The following HOOK2 variants were observed in gnomAD, a reference collection of about 807,000 sequenced individuals.
HOOK2 encodes the protein protein Hook homolog 2.
In HOOK2, 108 loss-of-function variants were observed where a neutral mutation model predicts 111.9. The observed-to-expected ratio is 0.96, with a 90% CI of 0.83 to 1.13. The LOEUF is 1.13. HOOK2 is among the 50% of genes most tolerant of loss of function. HOOK2 has a pLI of 0.00. For missense variants in HOOK2, 978 were observed against 951.3 expected, an observed-to-expected ratio of 1.03 and a Z score of -0.37; for synonymous variants, 405 against 394.3, an observed-to-expected ratio of 1.03 and a Z score of -0.32.
rs770321152 is a variant in HOOK2 at position 12,774,711 on chromosome 19, G to A, written c.162C>T (p.Leu54=). ...GACCTGGATCTTCCGAGATGCCCTG[G>A]AGCCATGCCTCGTTGAACCAGGAGG... ...IDPSWFNEAW[L]QGISEDPGPN... is the part of the protein sequence containing the mutation. The change falls in exon 3 of 23, where the codon CTC becomes CTT. Residue 54 remains leucine, a synonymous_variant. Coordinates refer to ENST00000397668, the MANE Select transcript of HOOK2 (RefSeq NM_013312.3). 3 of 1,614,116 alleles carry A rather than the reference G, an allele frequency of 1.9e-6. No individual in the cohort carries two copies. The highest frequency in any genetic ancestry group is 2.2e-5 in the East Asian group (1 of 44,876).
intron 20 of HOOK2, 177 bp downstream of exon 20, chr19:12,764,637 G>C (rs1034541955): frequency 1.5e-6 from 1 of 646,824 alleles, no homozygotes; most frequent in Non-Finnish European, 2.7e-6. Flanking sequence ...CAGCTGTGCA[G>C]TATTTTAATG....
chr19:12,763,161 A>G lies in HOOK2; in HGVS notation c.*121T>C. The G allele has an allele frequency of 1.8e-5, 10 of 541,946 alleles. No individual in the cohort carries two copies. Among genetic ancestry groups the G allele is most frequent in the East Asian group, 9.7e-5 (2 of 20,656 alleles). 33.6% of individuals were successfully genotyped at this position (541,946 alleles called of 1,614,324 possible). A position where few individuals can be genotyped will look rare whatever the true frequency, so the allele number is the denominator to read the frequency against. ...CCCTCCCCACCAATCTGGGAGAGGG[A>G]AGAGCAGAGATCATGGCCTCAAAGC... On this transcript the variant is annotated 3_prime_UTR_variant, in exon 23 of 23. Transcript: ENST00000397668.
In HOOK2 at chr19:12,764,914, G is replaced by C. The variant is rs770594907; in HGVS notation, c.1727C>G (p.Ala576Gly). ...ELEPPTDSSTARRIEELQHNL... is the reference protein window; with the variant it reads ...ELEPPTDSSTGRRIEELQHNL... ...ATGCTGCAGCTCCTCGATCCGCCGG[G>C]CTGCTGGCGGAAGAGGTGGCCCATC... Residue 576 changes from alanine to glycine, a missense_variant, in exon 20 of 23, where the codon GCC becomes GGC. Ala to Gly is a moderately conservative substitution (Grantham distance 60, BLOSUM62 0). Coordinates refer to ENST00000397668, the MANE Select transcript of HOOK2 (RefSeq NM_013312.3). 4.3e-6 allele frequency: 7 copies of C among 1,614,030 alleles called. No individual in the cohort carries two copies. Among genetic ancestry groups the C allele is most frequent in the African/African-American group, 1.3e-5 (1 of 74,930 alleles).
At position 12,790,102 on chromosome 19, in the gene HOOK2, C is replaced by T. The variant is rs1216612353; in HGVS notation, n.42-15877G>A. 6.6e-6 allele frequency among the ~76,000 whole-genome samples: 1 copy of T among 152,072 alleles called. No individual in the cohort carries two copies. The highest frequency in any genetic ancestry group is 1.5e-5 in the Non-Finnish European group (1 of 67,990). ...ACACTCCCCAAGCCGCCTGCCTCCG[C>T]GGTCCCCTGCAGGCACCGCGGGCGG... On this transcript the variant is annotated intron_variant and non_coding_transcript_variant, in intron 3 of 3. Coordinates refer to the HOOK2 transcript ENST00000589765. This position sits in a 1 kb window ranked among gnomAD's most constrained non-coding sequence, Gnocchi z 7.2.
chr19:12,792,283 G>A (rs1378385060), intron 3 of HOOK2: 1 of 1,495,194 alleles, frequency 6.7e-7, no homozygotes, highest in East Asian at 2.5e-5. Context: ...GGGCCCGGGG[G>A]CGTCTACGCC....
chr19:12,767,872 T>A lies in HOOK2; in HGVS notation c.1247A>T (p.Glu416Val), dbSNP rs768586996. ...GGCGCAGCGCAGCTCCTCATTGGCC[T>A]CCCGCAAGGAGTCCCGCTCCGCCAA... ...RLLAERDSLR[E>V]ANEELRCAQL... is the part of the protein sequence containing the mutation. The change falls in exon 13 of 23, where the codon GAG becomes GTG. Residue 416 changes from glutamate (E) to valine (V), a missense_variant. By Grantham distance (121) the Glu-to-Val change is moderately radical (BLOSUM62 -2). Transcript: ENST00000397668. 1 of 1,608,440 alleles carries A rather than the reference T, an allele frequency of 6.2e-7. No homozygotes were observed. Among genetic ancestry groups the A allele is most frequent in the South Asian group, 1.1e-5 (1 of 91,024 alleles).
chr19:12,764,689 T>C (rs1968096600), intron 20 of HOOK2, 125 bp downstream of exon 20: 1 of 745,714 alleles, frequency 1.3e-6, no homozygotes, highest in Non-Finnish European at 2.3e-6. Flanking sequence ...AAGTCTGTCT[T>C]ATGGTGGGGT....
At position 12,765,935 on chromosome 19, in the gene HOOK2, T is replaced by G. The variant is rs1968132526; in HGVS notation, c.1591A>C (p.Thr531Pro). 6.2e-7 allele frequency: 1 copy of G among 1,613,854 alleles called. No individual in the cohort carries two copies. Among genetic ancestry groups the G allele is most frequent in the African/African-American group, 1.3e-5 (1 of 74,870 alleles). Residue 531 changes from threonine (T) to proline (P), a missense_variant, in exon 16 of 23, where the codon ACT becomes CCT. By Grantham distance (38) the Thr-to-Pro change is conservative. Transcript: ENST00000397668. Reference sequence around the variant, plus strand: ...TGGTGGGTGACACTCACATCTTCAGTCTTGCCCCCCTGCTCCTGCAGGGCT... The same window carrying G: ...TGGTGGGTGACACTCACATCTTCAGGCTTGCCCCCCTGCTCCTGCAGGGCT... The part of the protein sequence containing the change: ...QKALQEQGGK[T>P]EDAISILLKR...
chr19:12,764,949 C>T (rs766721091), intron 19 of HOOK2, 32 bp from the exon 20 acceptor site: 80 of 1,613,860 alleles, frequency 5.0e-5, no homozygotes, highest in Non-Finnish European at 4.7e-5. Context: ...CAGCTCCACG[C>T]TGCTGGGCTC....
intron 11 of HOOK2, among the ~76,000 whole-genome samples, chr19:12,768,963 A>ATT (rs757287596): frequency 0.038 from 4,613 of 122,266 alleles, 115 homozygotes; most frequent in African/African-American, 0.048. Flanking sequence ...AGCCCGGCTA[A>ATT]TTTTTTTTTT....
rs1238237563 is a variant in HOOK2, at chr19:12,772,694, T to C, written c.389-14A>G. 1.2e-6 allele frequency: 2 copies of C among 1,614,098 alleles called. No individual in the cohort carries two copies. Among genetic ancestry groups the C allele is most frequent in the East Asian group, 2.2e-5 (1 of 44,888 alleles). On this transcript the variant is annotated splice_polypyrimidine_tract_variant and intron_variant, in intron 5 of 22. Coordinates refer to ENST00000397668, the MANE Select transcript of HOOK2 (RefSeq NM_013312.3). ...TCTGGATGTGGTCTGGGGATCAAGGTGGGGGAGGCTGAGACCCAGGGGTGA... is the reference window on the plus strand; with the variant it reads ...TCTGGATGTGGTCTGGGGATCAAGGCGGGGGAGGCTGAGACCCAGGGGTGA...
At chr19:12,769,772 G>T in intron 11 of HOOK2, 109 bp downstream of exon 11, 3 of 882,274 alleles carry the variant, frequency 3.4e-6, no homozygotes, top group Non-Finnish European at 4.7e-6. Flanking sequence ...GGAGAGCGTG[G>T]CCTACGTACA....
chr19:12,775,338 C>G, intron 1 of HOOK2, 67 bp downstream of exon 1: 1 of 1,579,414 alleles, frequency 6.3e-7, no homozygotes, highest in Non-Finnish European at 8.6e-7. Context: ...CTGACCGAAC[C>G]AGGGCCAGGG....
At chr19:12,765,801 GGT>G in intron 17 of HOOK2, 26 bp downstream of exon 17, 1 of 1,613,910 alleles carries the variant, frequency 6.2e-7, no homozygotes, top group Non-Finnish European at 8.5e-7. Context: ...GAGGGTAGGG[GGT>G]GCCATCCTGG....
upstream of HOOK2, among the ~76,000 whole-genome samples, chr19:12,776,548 G>A (rs1968516768): frequency 1.3e-5 from 2 of 151,878 alleles, no homozygotes; most frequent in South Asian, 4.2e-4. Context: ...GGGCGTGGTG[G>A]CGCACGCCTG....
rs754131470 is a variant in HOOK2, at chr19:12,766,224, G to A, written c.1390C>T (p.Leu464Phe). The A allele has an allele frequency of 1.9e-6, 3 of 1,585,996 alleles. No homozygotes were observed. Among genetic ancestry groups the A allele is most frequent in the South Asian group, 2.2e-5 (2 of 89,518 alleles). ...PAELRETLLRLQLENKRLCRQ... is the reference protein window; with the variant it reads ...PAELRETLLRFQLENKRLCRQ... ...CACAGCCGCTTGTTCTCCAGCTGAAGCCGCAGGAGCGTCTCCCTGCAGACC... is the reference window on the plus strand; with the variant it reads ...CACAGCCGCTTGTTCTCCAGCTGAAACCGCAGGAGCGTCTCCCTGCAGACC... The change falls in exon 15 of 23, where the codon CTT becomes TTT. Residue 464 changes from leucine to phenylalanine, a missense_variant. Physicochemically the swap from Leu to Phe is conservative, Grantham distance 22 (BLOSUM62 0). Around this residue, in one of 5 missense-constraint regions of HOOK2, gnomAD observed 388 missense variants for 358.3 expected, o/e 1.08. Transcript: ENST00000397668.
rs1968187997 is a variant in HOOK2 at position 12,767,436 on chromosome 19, G to C, written c.1332C>G (p.Pro444=). ...GGATCTCTGCGGCTAAGTTATCCAC[G>C]GGTGTGGAGGTGGGATCCAGTGAGG... ...ADPSLDPTST[P]VDNLAAEILP... is the part of the protein sequence containing the mutation. The change falls in exon 14 of 23, where the codon CCC becomes CCG. Residue 444 remains proline (P), a synonymous_variant. Transcript: ENST00000397668. 6.2e-7 allele frequency: 1 copy of C among 1,614,092 alleles called. No individual in the cohort carries two copies. The highest frequency in any genetic ancestry group is 1.6e-4 in the Middle Eastern group (1 of 6,062).
rs367883133 is a variant in HOOK2, at chr19:12,767,440, G to A, written c.1328C>T (p.Thr443Ile). The A allele has an allele frequency of 1.1e-5, 18 of 1,613,980 alleles. No homozygotes were observed. In the African/African-American group the frequency reaches 1.2e-4, roughly 11 times the overall value. Reference protein sequence around the residue: ...QADPSLDPTSTPVDNLAAEIL... With the variant: ...QADPSLDPTSIPVDNLAAEIL... ...CTCTGCGGCTAAGTTATCCACGGGT[G>A]TGGAGGTGGGATCCAGTGAGGGATC... Residue 443 changes from threonine to isoleucine, a missense_variant, in exon 14 of 23, where the codon ACA becomes ATA. Around this residue, in one of 5 missense-constraint regions of HOOK2, gnomAD observed 388 missense variants for 358.3 expected, o/e 1.08. Transcript: ENST00000397668.
chr19:12,791,867 C>T lies in HOOK2; in HGVS notation n.42-17642G>A, dbSNP rs536479159. 2 of 1,613,684 alleles carry T rather than the reference C, an allele frequency of 1.2e-6. No individual in the cohort carries two copies. The highest frequency in any genetic ancestry group is 2.2e-5 in the East Asian group (1 of 44,880). On this transcript the variant is annotated intron_variant and non_coding_transcript_variant, in intron 3 of 3. Transcript: ENST00000589765. This position sits in a 1 kb window ranked among gnomAD's most constrained non-coding sequence, Gnocchi z 7.0. ...CTGGTGGCCTCTCTCTACACGACTA[C>T]AAACTCCTGAAACCGAGCCTGGCGG... is the stretch of plus-strand genomic sequence containing the variant.
Sources: gnomAD v4.1 joint callset for allele counts (sites outside exome capture counted in the v4.1 genomes callset) on GRCh38, gnomAD v4.1.1 for gene constraint, gnomAD v4.1.1 regional missense constraint, Gnocchi (gnomAD v3.1) non-coding constraint, MANE v1.5 for transcripts, NCBI Gene and HGNC (gene_info 2026-07-23, HGNC 2026-07-21) for gene names.